ARHGAP24: variants seen among roughly 807,000 people sequenced by gnomAD.
ARHGAP24 encodes the protein rho GTPase-activating protein 24.
ARHGAP24 carries 50 observed loss-of-function variants against 76.4 expected under a neutral mutation model. The observed-to-expected ratio is 0.65, with a 90% CI of 0.52 to 0.83. ARHGAP24 has a LOEUF of 0.83. Among genes scored for constraint, ARHGAP24 ranks in the 40% least tolerant of loss-of-function variants. ARHGAP24 has a pLI of 0.00. For synonymous variants in ARHGAP24, 345 were observed against 323.3 expected (o/e 1.07, Z -0.72); for missense variants, 930 against 914.2 (o/e 1.02, Z -0.22).
chr4:85,765,783 A>T (rs978020083), intron 3 of ARHGAP24, among the ~76,000 whole-genome samples: 5 of 152,162 alleles, frequency 3.3e-5, no homozygotes, highest in Non-Finnish European at 7.4e-5. Context: ...TTCCTATGAA[A>T]AGTACATTTA....
chr4:85,870,677 T>C (rs998913858), intron 3 of ARHGAP24, among the ~76,000 whole-genome samples: 1 of 152,144 alleles, frequency 6.6e-6, no homozygotes, highest in Non-Finnish European at 1.5e-5. Flanking sequence ...CTATAGGTCT[T>C]ACCTAGTGTT....
At chr4:85,857,209 A>C (rs1336639013) in intron 3 of ARHGAP24, among the ~76,000 whole-genome samples, 1 of 152,242 alleles carries the variant, frequency 6.6e-6, no homozygotes, top group Non-Finnish European at 1.5e-5. Flanking sequence ...AGGGTAATGA[A>C]CCAAACTATT....
intron 4 of ARHGAP24, among the ~76,000 whole-genome samples, chr4:85,939,825 C>T (rs1358792185): frequency 6.6e-6 from 1 of 151,822 alleles, no homozygotes; most frequent in East Asian, 1.9e-4. Context: ...ATTGCAACAT[C>T]CTTAGTAGAT....
chr4:85,673,231 T>A (rs1379640795), intron 2 of ARHGAP24, among the ~76,000 whole-genome samples: 1 of 152,204 alleles, frequency 6.6e-6, no homozygotes, highest in Non-Finnish European at 1.5e-5. Flanking sequence ...ATCGCAGCTC[T>A]GCACTTGGGC....
intron 3 of ARHGAP24, among the ~76,000 whole-genome samples, chr4:85,876,342 T>C (rs1169773170): frequency 6.6e-6 from 1 of 152,234 alleles, no homozygotes; most frequent in Non-Finnish European, 1.5e-5. Context: ...TTGTCTTTAA[T>C]CTTTAGTTTG....
chr4:85,672,806 T>C (rs1695391956), intron 2 of ARHGAP24, among the ~76,000 whole-genome samples: 1 of 152,210 alleles, frequency 6.6e-6, no homozygotes, highest in Non-Finnish European at 1.5e-5. Context: ...AATTCTTGCA[T>C]TCTCAAAGGC....
intron 6 of ARHGAP24, 50 bp downstream of exon 6, chr4:85,972,218 C>G (rs549341753): frequency 1.9e-6 from 3 of 1,607,392 alleles, no homozygotes; most frequent in Non-Finnish European, 2.5e-6. Flanking sequence ...GAATTTTTTT[C>G]TGTGTTCTTA....
chr4:85,585,057 T>G (rs982517409), intron 2 of ARHGAP24, among the ~76,000 whole-genome samples: 1 of 152,236 alleles, frequency 6.6e-6, no homozygotes, highest in African/African-American at 2.4e-5. Flanking sequence ...TCATTTTTTT[T>G]GCAATAATTC....
At chr4:85,543,882 G>C (rs1725804722) in intron 1 of ARHGAP24, among the ~76,000 whole-genome samples, 1 of 152,044 alleles carries the variant, frequency 6.6e-6, no homozygotes. Flanking sequence ...GTAGTAGTTA[G>C]TAGCAGTTCA....
intron 2 of ARHGAP24, among the ~76,000 whole-genome samples, chr4:85,676,634 A>G (rs2110006310): frequency 6.6e-6 from 1 of 152,172 alleles, no homozygotes; most frequent in South Asian, 2.1e-4. Context: ...TTTGGCTCCC[A>G]AGGACCTATT....
At chr4:85,596,140 A>G (rs746203762) in intron 2 of ARHGAP24, among the ~76,000 whole-genome samples, 2 of 151,954 alleles carry the variant, frequency 1.3e-5, no homozygotes, top group Non-Finnish European at 2.9e-5. Flanking sequence ...TATAAACAGA[A>G]TGGAATATGA....
At chr4:85,923,541 G>T in intron 3 of ARHGAP24, 107 bp from the exon 4 acceptor site, 2 of 1,481,650 alleles carry the variant, frequency 1.3e-6, no homozygotes, top group Non-Finnish European at 9.3e-7. Context: ...GTAGAACTTA[G>T]TGCGGGCTGT....
At position 85,995,073 on chromosome 4, in the gene ARHGAP24, C is replaced by T. The variant is rs1740573327; in HGVS notation, c.1419C>T (p.Gly473=). ...SSLKVSGTKM[G]THSVQNGTVR... ...TGAAGGTATCTGGTACCAAAATGGG[C>T]ACGCACAGTGTACAGAATGGAACGG... Residue 473 remains glycine (G), a synonymous_variant, in exon 9 of 10, where the codon GGC becomes GGT. Transcript: ENST00000395184. 1 of 1,613,890 alleles carries T rather than the reference C, an allele frequency of 6.2e-7. No homozygotes were observed.
At chr4:85,890,018 T>G (rs1400141345) in intron 3 of ARHGAP24, among the ~76,000 whole-genome samples, 1 of 152,146 alleles carries the variant, frequency 6.6e-6, no homozygotes, top group Non-Finnish European at 1.5e-5. Context: ...TAGGTAATGA[T>G]GTATATATAG....
chr4:85,515,646 T>C (rs1300146049), intron 1 of ARHGAP24, among the ~76,000 whole-genome samples: 1 of 152,096 alleles, frequency 6.6e-6, no homozygotes, highest in Non-Finnish European at 1.5e-5. Context: ...AGTTTCATAA[T>C]ATTTCCTTGT....
chr4:85,565,755 T>C (rs1560535200), intron 1 of ARHGAP24, among the ~76,000 whole-genome samples: 1 of 152,230 alleles, frequency 6.6e-6, no homozygotes, highest in African/African-American at 2.4e-5. Flanking sequence ...TTCAAATACA[T>C]TGCAACTCTG....
At chr4:85,820,588 A>G (rs1729426958) in intron 3 of ARHGAP24, among the ~76,000 whole-genome samples, 1 of 152,178 alleles carries the variant, frequency 6.6e-6, no homozygotes, top group South Asian at 2.1e-4. Flanking sequence ...CATGAGATGC[A>G]ATTTATCTAT....
chr4:85,667,175 T>G (rs189628286), intron 2 of ARHGAP24, among the ~76,000 whole-genome samples: 75 of 152,334 alleles, frequency 4.9e-4, no homozygotes, highest in African/African-American at 1.7e-3. Context: ...CCAGCTGTTT[T>G]GTTTACCTAA....
intron 3 of ARHGAP24, among the ~76,000 whole-genome samples, chr4:85,908,165 T>C (rs1442531690): frequency 3.3e-5 from 5 of 152,174 alleles, no homozygotes. Context: ...ACTTTTCAAG[T>C]TCCCCTGCTT....
Sources: allele counts gnomAD v4.1 joint callset (sites outside exome capture counted in the v4.1 genomes callset), GRCh38; gene constraint gnomAD v4.1.1; transcripts MANE v1.5; gene names NCBI Gene and HGNC (gene_info 2026-07-23, HGNC 2026-07-21).